The following OR2L13 variants were observed in gnomAD, a reference collection of about 807,000 sequenced individuals.
OR2L13 encodes olfactory receptor 2L13.
OR2L13 carries 14 observed loss-of-function variants against 15.3 expected under a neutral mutation model. The ratio of observed to expected loss-of-function variants is 0.91; its 90% CI spans 0.60 to 1.43. The LOEUF (loss-of-function observed/expected upper bound fraction) is 1.43. OR2L13 is among the 40% of genes most tolerant of loss of function. The probability of loss-of-function intolerance (pLI) is 0.00; values close to 1 mark genes in which losing one functional copy is unlikely to be tolerated. For missense variants in OR2L13, 367 were observed against 387.9 expected, an observed-to-expected ratio of 0.95 and a Z score of 0.45; for synonymous variants, 152 against 142.9, an observed-to-expected ratio of 1.06 and a Z score of -0.45.
the OR2L13 span, chr1:247,990,533 A>G: frequency 6.4e-7 from 1 of 1,570,080 alleles, no homozygotes; most frequent in Non-Finnish European, 8.8e-7. Flanking sequence ...TATGGAAACA[A>G]GTCTATCTCC....
At chr1:248,014,947 T>G in the OR2L13 span, among the ~76,000 whole-genome samples, 20 of 152,222 alleles carry the variant, frequency 1.3e-4, 1 homozygote, top group East Asian at 3.7e-3. Context: ...CATCCCAAAA[T>G]AACAGTCAAA....
chr1:248,021,826 T>C, the OR2L13 span: 3 of 682,872 alleles, frequency 4.4e-6, no homozygotes, highest in African/African-American at 5.4e-5. Context: ...TAGGGTTCAG[T>C]GTCAACTGCA....
the OR2L13 span, chr1:248,061,875 T>G: frequency 6.4e-6 from 2 of 314,566 alleles, no homozygotes; most frequent in African/African-American, 4.3e-5. Context: ...CAATGAGAAT[T>G]TTTGTTTTTG....
the OR2L13 span, chr1:248,022,074 T>C: frequency 5.0e-6 from 8 of 1,613,830 alleles, no homozygotes; most frequent in African/African-American, 1.3e-5. Flanking sequence ...TGGAAACCTA[T>C]CCATGATTCT....
chr1:248,080,496 CA>C, the OR2L13 span, among the ~76,000 whole-genome samples: 1 of 152,172 alleles, frequency 6.6e-6, no homozygotes, highest in Non-Finnish European at 1.5e-5. Flanking sequence ...CCTCATTCTT[CA>C]ACTTCCACTT....
the OR2L13 span, chr1:247,990,691 C>A: frequency 2.6e-6 from 4 of 1,534,080 alleles, no homozygotes; most frequent in Non-Finnish European, 3.6e-6. Flanking sequence ...AGTGTGTGCA[C>A]TGATGATAAC....
the OR2L13 span, chr1:248,045,766 A>G: frequency 6.6e-6 from 1 of 152,208 alleles, no homozygotes; most frequent in South Asian, 2.1e-4. Context: ...TAAAACATAT[A>G]CATGCATCAG....
the OR2L13 span, among the ~76,000 whole-genome samples, chr1:247,998,526 T>C: frequency 6.6e-6 from 1 of 152,298 alleles, no homozygotes; most frequent in East Asian, 1.9e-4. Flanking sequence ...CTTCTCACTT[T>C]GTATTTTACC....
the OR2L13 span, among the ~76,000 whole-genome samples, chr1:247,941,065 G>A: frequency 6.6e-6 from 1 of 152,022 alleles, no homozygotes; most frequent in Non-Finnish European, 1.5e-5. Flanking sequence ...AGATGTGTCT[G>A]TTCATGTACT....
At chr1:248,089,841 T>C in the OR2L13 span, among the ~76,000 whole-genome samples, 15 of 152,302 alleles carry the variant, frequency 9.8e-5, no homozygotes, top group South Asian at 2.7e-3. Flanking sequence ...GGATGAGAGT[T>C]AACATTGTTT....
At chr1:247,956,376 G>A in the OR2L13 span, among the ~76,000 whole-genome samples, 15 of 151,246 alleles carry the variant, frequency 9.9e-5, no homozygotes, top group South Asian at 8.4e-4. Context: ...GTCAGGTAGC[G>A]TGATGCCTCC....
chr1:247,943,187 G>A, the OR2L13 span, among the ~76,000 whole-genome samples: 867 of 152,148 alleles, frequency 5.7e-3, 11 homozygotes, highest in African/African-American at 0.019. Flanking sequence ...TTTGTTTGAT[G>A]CAAAAACAGA....
At chr1:248,030,607 T>G in the OR2L13 span, among the ~76,000 whole-genome samples, 3 of 152,158 alleles carry the variant, frequency 2.0e-5, no homozygotes, top group African/African-American at 7.2e-5. Context: ...TTTTGTTTTG[T>G]TTTGGTTTGA....
the OR2L13 span, among the ~76,000 whole-genome samples, chr1:248,015,579 G>T: frequency 6.6e-6 from 1 of 152,116 alleles, no homozygotes; most frequent in Admixed American, 6.6e-5. Context: ...TAGTAAGAAA[G>T]ATCACTTTCT....
chr1:248,090,288 C>T (rs373477169), upstream of OR2L13, among the ~76,000 whole-genome samples: 327 of 148,602 alleles, frequency 2.2e-3, no homozygotes, highest in African/African-American at 7.8e-3. Flanking sequence ...TGAACCCTTT[C>T]GTTTAGTATG....
chr1:248,072,290 A>G, the OR2L13 span, among the ~76,000 whole-genome samples: 4 of 152,230 alleles, frequency 2.6e-5, no homozygotes, highest in Non-Finnish European at 4.4e-5. Flanking sequence ...ATATAGATCA[A>G]TGGAACAGAA....
At chr1:248,036,917 G>C in the OR2L13 span, among the ~76,000 whole-genome samples, 3 of 152,122 alleles carry the variant, frequency 2.0e-5, no homozygotes, top group African/African-American at 7.2e-5. Context: ...ATATGAATGG[G>C]AGGATCCCTA....
At chr1:248,039,191 C>T in the OR2L13 span, 2 of 1,608,774 alleles carry the variant, frequency 1.2e-6, no homozygotes, top group Non-Finnish European at 1.7e-6. Context: ...AGAAAATCTT[C>T]TCAGTGAAAA....
the OR2L13 span, among the ~76,000 whole-genome samples, chr1:248,001,557 G>T: frequency 6.9e-6 from 1 of 145,440 alleles, no homozygotes; most frequent in African/African-American, 2.8e-5. Context: ...AGCTATTTCT[G>T]TAAATAAAAA....
Sources: allele counts gnomAD v4.1 joint callset (sites outside exome capture counted in the v4.1 genomes callset), GRCh38; gene constraint gnomAD v4.1.1; transcripts MANE v1.5; gene names NCBI Gene and HGNC (gene_info 2026-07-23, HGNC 2026-07-21).